The following HSF2BP variants were observed in gnomAD, a reference collection of about 807,000 sequenced individuals.
HSF2BP encodes the protein heat shock factor 2-binding protein.
In HSF2BP, 35 loss-of-function variants were observed where a neutral mutation model predicts 35.0. The observed-to-expected ratio is 1.00, with a 90% CI of 0.76 to 1.32. The LOEUF (loss-of-function observed/expected upper bound fraction) is 1.32, where lower values mean the gene tolerates loss of function less well. Among genes scored for constraint, HSF2BP ranks in the 40% most tolerant of loss-of-function variants. HSF2BP has a pLI of 0.00. For synonymous variants in HSF2BP, 114 were observed against 117.4 expected (o/e 0.97, Z 0.18); for missense variants, 326 against 321.7 (o/e 1.01, Z -0.10).
intron 6 of HSF2BP, among the ~76,000 whole-genome samples, chr21:43,614,921 C>T (rs2082252510): frequency 6.6e-6 from 1 of 152,130 alleles, no homozygotes; most frequent in East Asian, 1.9e-4. Flanking sequence ...TTGAAGAAAA[C>T]TTATTTTCTC....
chr21:43,626,175 C>T (rs888013624), intron 6 of HSF2BP, among the ~76,000 whole-genome samples: 1 of 152,066 alleles, frequency 6.6e-6, no homozygotes, highest in Admixed American at 6.6e-5. Context: ...GCATCCACCC[C>T]GCAAGAACTA....
intron 3 of HSF2BP, among the ~76,000 whole-genome samples, chr21:43,646,021 T>C (rs1379266270): frequency 6.6e-6 from 1 of 151,844 alleles, no homozygotes; most frequent in South Asian, 2.1e-4. Context: ...TCTCATAAAA[T>C]GCGTTTCTTA....
chr21:43,621,561 G>A (rs990662653), intron 6 of HSF2BP, among the ~76,000 whole-genome samples: 10 of 151,610 alleles, frequency 6.6e-5, no homozygotes, highest in African/African-American at 2.4e-4. Context: ...AAACCATATA[G>A]GCCAGGAAGG....
chr21:43,644,652 C>A (rs2082685008), intron 3 of HSF2BP, among the ~76,000 whole-genome samples: 1 of 152,196 alleles, frequency 6.6e-6, no homozygotes, highest in Non-Finnish European at 1.5e-5. Context: ...CACTTTACTG[C>A]CAGACTAGTA....
chr21:43,631,692 G>A (rs1038292772), intron 5 of HSF2BP, among the ~76,000 whole-genome samples: 5 of 152,012 alleles, frequency 3.3e-5, no homozygotes, highest in African/African-American at 1.2e-4. Flanking sequence ...CTACGTTTAA[G>A]CTTTACCTCC....
chr21:43,604,582 A>ACACACCACCATACACACAT (rs2082100438), intron 7 of HSF2BP, among the ~76,000 whole-genome samples: 3 of 137,720 alleles, frequency 2.2e-5, no homozygotes, highest in Admixed American at 7.4e-5. Flanking sequence ...ACCAATATAC[A>ACACACCACCATACACACAT]CACACCACCA....
intron 7 of HSF2BP, among the ~76,000 whole-genome samples, chr21:43,603,306 C>T (rs2082073926): frequency 6.6e-6 from 1 of 152,188 alleles, no homozygotes; most frequent in South Asian, 2.1e-4. Flanking sequence ...AGCACAGATC[C>T]TGCCCACACC....
At chr21:43,608,878 CAGA>C (rs3074009) in intron 7 of HSF2BP, among the ~76,000 whole-genome samples, 94,629 of 151,692 alleles carry the variant, frequency 0.62, 29,786 homozygotes, top group East Asian at 0.79. Context: ...GAGGCCGAGG[CAGA>C]AGGATTGCTT....
At chr21:43,643,248 T>C in intron 4 of HSF2BP, among the ~76,000 whole-genome samples, 1 of 152,248 alleles carries the variant, frequency 6.6e-6, no homozygotes, top group South Asian at 2.1e-4. Context: ...TGTCCAACTA[T>C]AAGATATTAT....
At chr21:43,650,051 C>T (rs2082762143) in intron 3 of HSF2BP, among the ~76,000 whole-genome samples, 1 of 152,144 alleles carries the variant, frequency 6.6e-6, no homozygotes, top group East Asian at 1.9e-4. Context: ...ATCCAAGTAC[C>T]TTCCAAAATC....
chr21:43,641,398 C>T (rs912116876), intron 4 of HSF2BP, among the ~76,000 whole-genome samples: 14 of 152,124 alleles, frequency 9.2e-5, no homozygotes, highest in African/African-American at 2.9e-4. Flanking sequence ...GCCCAGCCTC[C>T]TCACATCATA....
chr21:43,596,473 A>G (rs2081988794), intron 7 of HSF2BP, among the ~76,000 whole-genome samples: 1 of 152,160 alleles, frequency 6.6e-6, no homozygotes, highest in African/African-American at 2.4e-5. Flanking sequence ...CTTGCATTGG[A>G]CTAACCCTCC....
chr21:43,580,672 G>A (rs945745485), intron 8 of HSF2BP, among the ~76,000 whole-genome samples: 2 of 152,172 alleles, frequency 1.3e-5, no homozygotes, highest in Admixed American at 6.5e-5. Flanking sequence ...ACACTAAAAG[G>A]CTCAACACTG....
chr21:43,596,147 G>T (rs1415382843), intron 7 of HSF2BP, among the ~76,000 whole-genome samples: 1 of 152,040 alleles, frequency 6.6e-6, no homozygotes, highest in Non-Finnish European at 1.5e-5. Flanking sequence ...AGAAAATGCT[G>T]ACCAGTCCAC....
chr21:43,656,493 G>A, intron 3 of HSF2BP, 94 bp downstream of exon 3: 2 of 1,195,786 alleles, frequency 1.7e-6, no homozygotes, highest in South Asian at 1.5e-5. Flanking sequence ...GACTGTAAGA[G>A]TACCTTAAAA....
At chr21:43,632,179 C>CCA (rs1224399633) in intron 5 of HSF2BP, among the ~76,000 whole-genome samples, 4 of 110,738 alleles carry the variant, frequency 3.6e-5, no homozygotes, top group Non-Finnish European at 7.2e-5. Flanking sequence ...ACACGCTCCC[C>CCA]CACACACACA....
intron 8 of HSF2BP, among the ~76,000 whole-genome samples, chr21:43,584,467 C>G (rs1253502760): frequency 6.6e-6 from 1 of 152,178 alleles, no homozygotes; most frequent in Non-Finnish European, 1.5e-5. Context: ...GAGAGCCACC[C>G]AACTGGCTGA....
At chr21:43,654,989 T>A (rs1243553962) in intron 3 of HSF2BP, among the ~76,000 whole-genome samples, 2 of 152,222 alleles carry the variant, frequency 1.3e-5, no homozygotes, top group South Asian at 2.1e-4. Flanking sequence ...GCCGGGACTA[T>A]GAGATAAGAT....
intron 4 of HSF2BP, among the ~76,000 whole-genome samples, chr21:43,637,816 AAAAG>A (rs2082584941): frequency 6.6e-6 from 1 of 151,306 alleles, no homozygotes; most frequent in Admixed American, 6.6e-5. Context: ...GGAAAAAAAA[AAAAG>A]AAAGAAAAAA....
Sources: gnomAD v4.1 joint callset for allele counts (sites outside exome capture counted in the v4.1 genomes callset) on GRCh38, gnomAD v4.1.1 for gene constraint, MANE v1.5 for transcripts, NCBI Gene and HGNC (gene_info 2026-07-23, HGNC 2026-07-21) for gene names.